Variants in PHACTR2 observed in about 807,000 individuals in gnomAD.
PHACTR2 encodes phosphatase and actin regulator 2.
In PHACTR2, 30 loss-of-function variants were observed where a neutral mutation model predicts 76.0. The ratio of observed to expected loss-of-function variants is 0.39; its 90% CI spans 0.30 to 0.54. The LOEUF is 0.54. Among genes scored for constraint, PHACTR2 ranks in the 20% least tolerant of loss-of-function variants. The pLI is 0.61. For missense variants in PHACTR2, 696 were observed against 781.1 expected, an observed-to-expected ratio of 0.89 and a Z score of 1.30; for synonymous variants, 292 against 292.5, an observed-to-expected ratio of 1.00 and a Z score of 0.02.
chr6:143,682,506 A>G (rs7776119), intron 1 of PHACTR2, among the ~76,000 whole-genome samples: 32,934 of 152,088 alleles, frequency 0.22, 3,765 homozygotes, highest in East Asian at 0.37. Context: ...ATGAGCCACC[A>G]TGCCTGGCCT....
rs1217850987 is a variant in PHACTR2, at chr6:143,580,150, T to TA, written c.217+42944dup. On this transcript the variant is annotated intron_variant, in intron 1 of 11. Coordinates refer to the PHACTR2 transcript ENST00000367584. The surrounding 1 kb of genome is among the most constrained non-coding windows in gnomAD (Gnocchi z 4.2). ...AGCAAGATGGGAGTCATGATCTTTC[T>TA]ATAGCTTCGTCTCAAAAGTGATATC... Among the ~76,000 whole-genome samples the TA allele has an allele frequency of 6.6e-6, 1 of 152,182 alleles. No homozygotes were observed. Among genetic ancestry groups the TA allele is most frequent in the African/African-American group, 2.4e-5 (1 of 41,454 alleles).
At chr6:143,778,835 G>A (rs1775347463) in intron 9 of PHACTR2, among the ~76,000 whole-genome samples, 2 of 152,144 alleles carry the variant, frequency 1.3e-5, no homozygotes, top group African/African-American at 4.8e-5. Flanking sequence ...TCTTGATCCT[G>A]TGAGATAAAT....
intron 2 of PHACTR2, among the ~76,000 whole-genome samples, chr6:143,747,286 A>G (rs952375063): frequency 2.0e-5 from 3 of 152,230 alleles, no homozygotes; most frequent in Non-Finnish European, 4.4e-5. Flanking sequence ...CAGAAAGGAA[A>G]AAAAAATCCA....
At chr6:143,575,593 GA>G (rs1321442287) in intron 1 of PHACTR2, among the ~76,000 whole-genome samples, 1 of 152,198 alleles carries the variant, frequency 6.6e-6, no homozygotes, top group East Asian at 1.9e-4. Flanking sequence ...AGACACCAGA[GA>G]CTTGATGTTG....
chr6:143,798,354 T>C (rs1235991953), intron 11 of PHACTR2, among the ~76,000 whole-genome samples: 3 of 152,216 alleles, frequency 2.0e-5, no homozygotes, highest in Non-Finnish European at 2.9e-5. Flanking sequence ...ACAAAGATAA[T>C]TGGACTTCCT....
Position 143,700,777 on chromosome 6 carries a change from A to T in PHACTR2, c.47-11239A>T, listed in dbSNP as rs1777890665. 6.6e-6 allele frequency among the ~76,000 whole-genome samples: 1 copy of T among 152,056 alleles called. No individual in the cohort carries two copies. On this transcript the variant is annotated intron_variant, in intron 1 of 12. Transcript: ENST00000440869. The surrounding 1 kb of genome is among the most constrained non-coding windows in gnomAD (Gnocchi z 4.1). ...ATATCAGCTTTTTCTTCCTTTTCAC[A>T]AACACAGCACACACTCTACACACCA...
In PHACTR2 at chr6:143,757,464, T is replaced by G. The variant is rs1016959827; in HGVS notation, c.455-2937T>G. 2.0e-5 allele frequency among the ~76,000 whole-genome samples: 3 copies of G among 152,190 alleles called. No individual in the cohort carries two copies. Among genetic ancestry groups the G allele is most frequent in the Admixed American group, 1.3e-4 (2 of 15,288 alleles). ...TGAAGCAGAGGAATTGGGTAAGAAT[T>G]GCATTCTAGGCAGGGTGAGGACCAC... is the stretch of plus-strand genomic sequence containing the variant. On this transcript the variant is annotated intron_variant, in intron 4 of 12. Transcript: ENST00000440869. This position sits in a 1 kb window ranked among gnomAD's most constrained non-coding sequence, Gnocchi z 4.2.
chr6:143,712,687 T>A (rs1019184131), intron 2 of PHACTR2, among the ~76,000 whole-genome samples: 7 of 152,218 alleles, frequency 4.6e-5, no homozygotes, highest in Admixed American at 2.0e-4. Flanking sequence ...ATGTATTTAT[T>A]CTTTAGGAAA....
rs1302475516 is a variant in PHACTR2, at chr6:143,562,737, C to T, written c.217+25530C>T. ...TCTAAGGCATTGGAAATAGATCATC[C>T]ACAGTTATTCCTAAAAGGTAATGAG... On this transcript the variant is annotated intron_variant, in intron 1 of 11. Coordinates refer to the PHACTR2 transcript ENST00000367584. This position sits in a 1 kb window ranked among gnomAD's most constrained non-coding sequence, Gnocchi z 5.1. Among the ~76,000 whole-genome samples, 1 of 152,108 alleles carries T rather than the reference C, an allele frequency of 6.6e-6. No individual in the cohort carries two copies.
At position 143,571,131 on chromosome 6, in the gene PHACTR2, G is replaced by A. The variant is rs747520225; in HGVS notation, c.217+33924G>A. On this transcript the variant is annotated intron_variant, in intron 1 of 11. Transcript: ENST00000367584. The surrounding 1 kb of genome is among the most constrained non-coding windows in gnomAD (Gnocchi z 4.6). Reference sequence around the variant, plus strand: ...CAACGATGGAAATCAAGAAGGGAATGTAGGTAAAGAGCAGTACAGTACAGT... The same window carrying A: ...CAACGATGGAAATCAAGAAGGGAATATAGGTAAAGAGCAGTACAGTACAGT... Among the ~76,000 whole-genome samples, 1 of 152,226 alleles carries A rather than the reference G, an allele frequency of 6.6e-6. No homozygotes were observed. The highest frequency in any genetic ancestry group is 1.5e-5 in the Non-Finnish European group (1 of 68,048).
intron 1 of PHACTR2, among the ~76,000 whole-genome samples, chr6:143,707,849 A>T (rs1009263876): frequency 7.9e-5 from 12 of 152,304 alleles, no homozygotes; most frequent in Admixed American, 5.2e-4. Flanking sequence ...GATCTCAGGA[A>T]ACTTATAATC....
rs1777285199 is a variant in PHACTR2 at position 143,677,988 on chromosome 6, G to A, written c.-176G>A. ...GCATCCGCTGGGCAGGATCCGCCGCGCCGGCTGCGGCCGGCCGGGCTGGGA... is the reference window on the plus strand; with the variant it reads ...GCATCCGCTGGGCAGGATCCGCCGCACCGGCTGCGGCCGGCCGGGCTGGGA... On this transcript the variant is annotated 5_prime_UTR_variant, in exon 1 of 13. Transcript: ENST00000440869. 1.4e-6 allele frequency: 2 copies of A among 1,402,788 alleles called. No homozygotes were observed. The highest frequency in any genetic ancestry group is 2.8e-5 in the South Asian group (2 of 70,536). 86.9% of individuals were successfully genotyped at this position (1,402,788 alleles called of 1,614,324 possible).
In PHACTR2 at chr6:143,557,659, C is replaced by A. The variant is rs530717363; in HGVS notation, c.217+20452C>A. The A allele has an allele frequency of 2.0e-5, 3 of 152,044 alleles. No homozygotes were observed. Among genetic ancestry groups the A allele is most frequent in the Admixed American group, 2.0e-4 (3 of 15,262 alleles). The allele number at this position is 152,044 out of a possible 1,614,324, so 9.4% of individuals were successfully genotyped here. ...CCAGTCGTTTTTCCTTGGCTGACTTCTTTCTCCGTAAGGTCTTGTCGCGAG... is the reference window on the plus strand; with the variant it reads ...CCAGTCGTTTTTCCTTGGCTGACTTATTTCTCCGTAAGGTCTTGTCGCGAG... On this transcript the variant is annotated intron_variant, in intron 1 of 11. Transcript: ENST00000367584. This position sits in a 1 kb window ranked among gnomAD's most constrained non-coding sequence, Gnocchi z 5.5.
chr6:143,773,135 C>T (rs1476267303), intron 7 of PHACTR2, among the ~76,000 whole-genome samples: 3 of 152,118 alleles, frequency 2.0e-5, no homozygotes, highest in African/African-American at 7.2e-5. Context: ...ATCGCTTGAA[C>T]CCAGGAGGCA....
At chr6:143,719,324 G>GCTTC (rs1331279227) in intron 2 of PHACTR2, among the ~76,000 whole-genome samples, 1 of 149,510 alleles carries the variant, frequency 6.7e-6, no homozygotes, top group African/African-American at 2.5e-5. Flanking sequence ...TCCACAGAGG[G>GCTTC]CTTCTTGCTT....
At chr6:143,704,685 A>C (rs1778004697) in intron 1 of PHACTR2, among the ~76,000 whole-genome samples, 1 of 152,164 alleles carries the variant, frequency 6.6e-6, no homozygotes, top group Non-Finnish European at 1.5e-5. Context: ...TTAGGATTTC[A>C]GTAGTTTTTC....
rs1023552922 is a variant in PHACTR2, at chr6:143,578,014, A to G, written c.217+40807A>G. Among the ~76,000 whole-genome samples, 2 of 152,200 alleles carry G rather than the reference A, an allele frequency of 1.3e-5. No homozygotes were observed. The highest frequency in any genetic ancestry group is 4.8e-5 in the African/African-American group (2 of 41,446). Reference sequence around the variant, plus strand: ...GTCTAAATCTGGTCCAAGACACTCTATCCCCCGTTCGTTTGCCAACACCTG... The same window carrying G: ...GTCTAAATCTGGTCCAAGACACTCTGTCCCCCGTTCGTTTGCCAACACCTG... On this transcript the variant is annotated intron_variant, in intron 1 of 11. Coordinates refer to the PHACTR2 transcript ENST00000367584. This position sits in a 1 kb window ranked among gnomAD's most constrained non-coding sequence, Gnocchi z 4.5.
At chr6:143,651,690 G>C (rs776790895) in intron 1 of PHACTR2, among the ~76,000 whole-genome samples, 6 of 152,124 alleles carry the variant, frequency 3.9e-5, no homozygotes, top group Admixed American at 6.5e-5. Flanking sequence ...GGCCTGTTAG[G>C]GGGTGGGAGG....
chr6:143,744,354 TA>T lies in PHACTR2; in HGVS notation c.215-4630del, dbSNP rs200945133. On this transcript the variant is annotated intron_variant, in intron 2 of 12. Transcript: ENST00000440869. ...TTTTCTTTTATTCAACAAATACACA[TA>T]TTTTTTCAAAGCCAACAGCCTGCAA... 5.0e-3 allele frequency among the ~76,000 whole-genome samples: 757 copies of T among 152,288 alleles called. 6 individuals carry two copies. Among genetic ancestry groups the T allele is most frequent in the African/African-American group, 0.017 (716 of 41,548 alleles).
Sources: allele counts gnomAD v4.1 joint callset (sites outside exome capture counted in the v4.1 genomes callset), GRCh38; gene constraint gnomAD v4.1.1; non-coding constraint Gnocchi (gnomAD v3.1); transcripts MANE v1.5; gene names NCBI Gene and HGNC (gene_info 2026-07-23, HGNC 2026-07-21).